Variants in TBXAS1 observed in about 807,000 individuals in gnomAD.
The protein encoded by TBXAS1 is thromboxane A synthase 1, also known as thromboxane-A synthase.
A neutral mutation model predicts 60.7 loss-of-function variants in TBXAS1; 48 were observed. That is an observed-to-expected ratio of 0.79 (90% CI 0.63 to 1.01). TBXAS1 has a LOEUF of 1.01. TBXAS1 is among the 50% of genes least tolerant of loss of function. The pLI is 0.00. For synonymous variants in TBXAS1, 287 were observed against 269.7 expected (o/e 1.06, Z -0.63); for missense variants, 685 against 686.3 (o/e 1.00, Z 0.02).
intron 3 of TBXAS1, among the ~76,000 whole-genome samples, chr7:139,785,868 CAG>C (rs61031537): frequency 0.065 from 9,810 of 151,748 alleles, 1,043 homozygotes; most frequent in African/African-American, 0.23. Context: ...AGCCTCTGCC[CAG>C]AGTGTCCTGA....
At chr7:139,997,152 G>A (rs943170865) in intron 9 of TBXAS1, among the ~76,000 whole-genome samples, 4 of 152,152 alleles carry the variant, frequency 2.6e-5, no homozygotes, top group Admixed American at 1.3e-4. Context: ...GCACAGAACC[G>A]TATCTTATCC....
intron 8 of TBXAS1, among the ~76,000 whole-genome samples, chr7:139,960,521 G>A (rs999843136): frequency 4.6e-5 from 7 of 152,052 alleles, no homozygotes; most frequent in East Asian, 1.9e-4. Context: ...TGAGGCGGGC[G>A]GATCACCTGA....
chr7:139,865,431 C>T (rs930691730), intron 1 of TBXAS1, among the ~76,000 whole-genome samples: 6 of 152,118 alleles, frequency 3.9e-5, no homozygotes, highest in African/African-American at 9.7e-5. Flanking sequence ...GCTTATCTTC[C>T]TCTTCACACC....
At chr7:139,816,851 T>C (rs1798161201) in intron 4 of TBXAS1, among the ~76,000 whole-genome samples, 1 of 152,174 alleles carries the variant, frequency 6.6e-6, no homozygotes, top group Admixed American at 6.5e-5. Flanking sequence ...CATCCAGGCT[T>C]GGAACCCTGG....
At chr7:139,913,245 C>T in intron 4 of TBXAS1, 1 of 664,474 alleles carries the variant, frequency 1.5e-6, no homozygotes, top group Admixed American at 2.1e-5. Flanking sequence ...TATCTCCTCG[C>T]TCAAAGTCCC....
At chr7:139,844,863 G>A (rs1799696292) in intron 1 of TBXAS1, among the ~76,000 whole-genome samples, 1 of 152,158 alleles carries the variant, frequency 6.6e-6, no homozygotes, top group Non-Finnish European at 1.5e-5. Flanking sequence ...TTACAGTGTA[G>A]GGACAGACAC....
At chr7:139,917,360 C>T (rs1052254704) in intron 4 of TBXAS1, among the ~76,000 whole-genome samples, 10 of 152,194 alleles carry the variant, frequency 6.6e-5, no homozygotes, top group African/African-American at 2.4e-4. Flanking sequence ...TCCCCCTCTT[C>T]TAAGCCATAG....
chr7:139,919,802 C>T (rs150471996), intron 4 of TBXAS1, among the ~76,000 whole-genome samples: 1 of 152,184 alleles, frequency 6.6e-6, no homozygotes, highest in Non-Finnish European at 1.5e-5. Flanking sequence ...CAATAACCTG[C>T]TCCTCAGGGC....
At chr7:139,869,216 C>G (rs1336156629) in intron 1 of TBXAS1, among the ~76,000 whole-genome samples, 1 of 152,148 alleles carries the variant, frequency 6.6e-6, no homozygotes. Flanking sequence ...TTCCTAGCTT[C>G]TAGTGGTTGG....
chr7:139,808,977 CA>C (rs1221882327), intron 4 of TBXAS1, among the ~76,000 whole-genome samples: 201 of 75,346 alleles, frequency 2.7e-3, no homozygotes, highest in Non-Finnish European at 3.7e-3. Flanking sequence ...GCCAGGTCTT[CA>C]TAAAAAAAAA....
At chr7:139,818,954 C>T (rs1798224106) in intron 4 of TBXAS1, among the ~76,000 whole-genome samples, 2 of 152,210 alleles carry the variant, frequency 1.3e-5, no homozygotes, top group Non-Finnish European at 1.5e-5. Context: ...CCCTCTCCAT[C>T]CCTGATCCCT....
intron 1 of TBXAS1, among the ~76,000 whole-genome samples, chr7:139,867,590 G>A (rs1030938713): frequency 6.6e-6 from 1 of 152,196 alleles, no homozygotes. Flanking sequence ...GAAGGCCAAG[G>A]CAGGCGGATC....
intron 4 of TBXAS1, among the ~76,000 whole-genome samples, chr7:139,931,833 G>C (rs1807352781): frequency 1.3e-5 from 2 of 151,372 alleles, no homozygotes; most frequent in South Asian, 4.2e-4. Context: ...TCTCTTTCAA[G>C]GCATCTCTCA....
intron 3 of TBXAS1, among the ~76,000 whole-genome samples, chr7:139,904,601 T>C (rs964188266): frequency 3.3e-5 from 5 of 152,230 alleles, no homozygotes; most frequent in Admixed American, 6.5e-5. Flanking sequence ...TTCCATTTGT[T>C]TGTTTCATCT....
At chr7:139,948,188 T>C (rs1808894063) in intron 5 of TBXAS1, among the ~76,000 whole-genome samples, 1 of 152,160 alleles carries the variant, frequency 6.6e-6, no homozygotes, top group Admixed American at 6.5e-5. Context: ...TCTCACAGTT[T>C]TGGAGGCTGG....
At chr7:139,842,772 G>A (rs1012958499) in intron 1 of TBXAS1, among the ~76,000 whole-genome samples, 6 of 152,340 alleles carry the variant, frequency 3.9e-5, no homozygotes, top group African/African-American at 1.2e-4. Context: ...CCTGGCCCGC[G>A]CTGTGGGGCC....
rs114195707 is a variant in TBXAS1 at position 139,910,122 on chromosome 7, C to A, written c.237-1103C>A. Reference sequence around the variant, plus strand: ...GAGTGTGCCTCCAGGGTCACTCATGCCTGCCAGAACATCACGCTGTATATT... The same window carrying A: ...GAGTGTGCCTCCAGGGTCACTCATGACTGCCAGAACATCACGCTGTATATT... On this transcript the variant is annotated intron_variant, in intron 3 of 12. Transcript: ENST00000448866. Among the ~76,000 whole-genome samples the A allele has an allele frequency of 2.8e-3, 419 of 152,274 alleles. 2 individuals are homozygous for A. The highest frequency in any genetic ancestry group is 9.6e-3 in the African/African-American group (399 of 41,548).
At chr7:139,866,135 C>G (rs1801402520) in intron 1 of TBXAS1, among the ~76,000 whole-genome samples, 1 of 152,124 alleles carries the variant, frequency 6.6e-6, no homozygotes, top group Non-Finnish European at 1.5e-5. Context: ...GTAGGACTAG[C>G]TGGGACAAAC....
chr7:139,895,733 G>C (rs978047688), intron 3 of TBXAS1, among the ~76,000 whole-genome samples: 1 of 152,240 alleles, frequency 6.6e-6, no homozygotes, highest in Admixed American at 6.5e-5. Flanking sequence ...GAATCACCAG[G>C]TTGAAGTGGG....
Sources: gnomAD v4.1 joint callset for allele counts (sites outside exome capture counted in the v4.1 genomes callset) on GRCh38, gnomAD v4.1.1 for gene constraint, MANE v1.5 for transcripts, NCBI Gene and HGNC (gene_info 2026-07-23, HGNC 2026-07-21) for gene names.